The following DRC5 variants were observed in gnomAD, a reference collection of about 807,000 sequenced individuals.
The protein encoded by DRC5 is dynein regulatory complex subunit 5, also known as T-complex-associated testis-expressed protein 1.
At chr6:44,288,499 G>A in the DRC5 span, among the ~76,000 whole-genome samples, 1 of 152,044 alleles carries the variant, frequency 6.6e-6, no homozygotes, top group East Asian at 1.9e-4. Flanking sequence ...GGTGAGGGGT[G>A]TATATTGCCA....
chr6:44,280,445 A>G, the DRC5 span: 1 of 1,288,234 alleles, frequency 7.8e-7, no homozygotes, highest in Non-Finnish European at 1.1e-6. Flanking sequence ...AGGATCTGAC[A>G]CACATACTAC....
At chr6:44,296,033 GATT>G in the DRC5 span, among the ~76,000 whole-genome samples, 18 of 152,186 alleles carry the variant, frequency 1.2e-4, no homozygotes, top group Non-Finnish European at 2.5e-4. Context: ...AATTATTGAG[GATT>G]ATTATTTAAC....
chr6:44,289,146 T>A, the DRC5 span, among the ~76,000 whole-genome samples: 1 of 148,214 alleles, frequency 6.7e-6, no homozygotes, highest in African/African-American at 2.5e-5. Context: ...CAAGTGATTC[T>A]CCTGTCTCAG....
the DRC5 span, among the ~76,000 whole-genome samples, chr6:44,294,623 T>G: frequency 6.6e-6 from 1 of 151,272 alleles, no homozygotes; most frequent in Non-Finnish European, 1.5e-5. Context: ...CACATGCCTG[T>G]AATCCCAGCT....
chr6:44,285,702 C>T, the DRC5 span, among the ~76,000 whole-genome samples: 1 of 152,196 alleles, frequency 6.6e-6, no homozygotes, highest in Admixed American at 6.5e-5. Flanking sequence ...TCTTGCTCAT[C>T]CTTGAATCTT....
chr6:44,280,218 G>A, the DRC5 span: 1 of 1,614,228 alleles, frequency 6.2e-7, no homozygotes, highest in Non-Finnish European at 8.5e-7. Context: ...GGCAGTTATG[G>A]TTGACATGAA....
the DRC5 span, among the ~76,000 whole-genome samples, chr6:44,280,627 A>T: frequency 0.72 from 109,187 of 152,188 alleles, 40,384 homozygotes; most frequent in Non-Finnish European, 0.81. Context: ...CTGGCAATGA[A>T]GATAATTCCA....
chr6:44,286,032 G>A, the DRC5 span: 1 of 1,613,922 alleles, frequency 6.2e-7, no homozygotes, highest in African/African-American at 1.3e-5. Flanking sequence ...AAGAGGAAGA[G>A]ATTCCACTCG....
chr6:44,297,659 C>T, the DRC5 span: 12 of 152,214 alleles, frequency 7.9e-5, no homozygotes, highest in Admixed American at 3.3e-4. Flanking sequence ...GTCGCCTCAC[C>T]CGCTCCGGGA....
chr6:44,294,042 G>A, the DRC5 span, among the ~76,000 whole-genome samples: 1 of 151,962 alleles, frequency 6.6e-6, no homozygotes, highest in Non-Finnish European at 1.5e-5. Context: ...GAGTGCCATG[G>A]CGCAATCTCA....
the DRC5 span, among the ~76,000 whole-genome samples, chr6:44,292,110 C>G: frequency 6.6e-6 from 1 of 152,202 alleles, no homozygotes; most frequent in Non-Finnish European, 1.5e-5. Flanking sequence ...CCATGTAAGC[C>G]CTCTAGCAGC....
At chr6:44,282,955 A>T in the DRC5 span, among the ~76,000 whole-genome samples, 1 of 151,734 alleles carries the variant, frequency 6.6e-6, no homozygotes, top group East Asian at 1.9e-4. Flanking sequence ...AGTGCCCGCC[A>T]CCACGCCCTG....
the DRC5 span, among the ~76,000 whole-genome samples, chr6:44,288,191 G>A: frequency 6.6e-6 from 1 of 152,286 alleles, no homozygotes; most frequent in South Asian, 2.1e-4. Flanking sequence ...CATGAAACTA[G>A]CAAGGAGCAG....
the DRC5 span, chr6:44,287,150 T>C: frequency 1.2e-3 from 1,206 of 975,446 alleles, 18 homozygotes; most frequent in African/African-American, 0.019. Context: ...AGGATCAATA[T>C]TACAGAGCAC....
At chr6:44,287,500 GC>G in the DRC5 span, 8 of 1,549,202 alleles carry the variant, frequency 5.2e-6, no homozygotes, top group East Asian at 2.3e-5. Context: ...CACCCACCTA[GC>G]CCCCCTCTTG....
the DRC5 span, among the ~76,000 whole-genome samples, chr6:44,295,418 A>G: frequency 6.6e-6 from 1 of 152,056 alleles, no homozygotes; most frequent in Non-Finnish European, 1.5e-5. Flanking sequence ...GGAAAGGCCA[A>G]TCCTCCTCCC....
At chr6:44,289,896 C>CA in the DRC5 span, among the ~76,000 whole-genome samples, 2 of 152,202 alleles carry the variant, frequency 1.3e-5, no homozygotes, top group African/African-American at 4.8e-5. Context: ...CCTCACGACT[C>CA]AGTGCACTGG....
At chr6:44,287,556 G>A in the DRC5 span, 1 of 1,607,454 alleles carries the variant, frequency 6.2e-7, no homozygotes, top group Admixed American at 1.7e-5. Flanking sequence ...CACTCTGGAA[G>A]TTCCTGATAA....
At chr6:44,280,558 G>C in the DRC5 span, among the ~76,000 whole-genome samples, 1 of 152,184 alleles carries the variant, frequency 6.6e-6, no homozygotes, top group Non-Finnish European at 1.5e-5. Flanking sequence ...TTTGAAAAAT[G>C]GTAGCCAATA....
Sources: gnomAD v4.1 joint callset for allele counts (sites outside exome capture counted in the v4.1 genomes callset) on GRCh38, gnomAD v4.1.1 for gene constraint, MANE v1.5 for transcripts, NCBI Gene and HGNC (gene_info 2026-07-23, HGNC 2026-07-21) for gene names.